Variants in CMTM7 observed in about 807,000 individuals in gnomAD.
The protein encoded by CMTM7 is CKLF like MARVEL transmembrane domain containing 7.
In CMTM7, 7 loss-of-function variants were observed where a neutral mutation model predicts 19.3. The ratio of observed to expected loss-of-function variants is 0.36; its 90% CI spans 0.21 to 0.68. The LOEUF (loss-of-function observed/expected upper bound fraction) is 0.68, where lower values mean the gene tolerates loss of function less well. Ranked by LOEUF, CMTM7 falls within the 30% of genes least tolerant of loss-of-function variation. The probability of loss-of-function intolerance (pLI) is 0.60; values close to 1 mark genes in which losing one functional copy is unlikely to be tolerated. For missense variants in CMTM7, 193 were observed against 232.6 expected, an observed-to-expected ratio of 0.83 and a Z score of 1.11; for synonymous variants, 87 against 99.3, an observed-to-expected ratio of 0.88 and a Z score of 0.74.
At chr3:32,417,746 T>A (rs1696288474) in intron 1 of CMTM7, among the ~76,000 whole-genome samples, 1 of 152,222 alleles carries the variant, frequency 6.6e-6, no homozygotes, top group African/African-American at 2.4e-5. Flanking sequence ...TATTTTCTAG[T>A]TTGGGTTTTG....
rs536686927 is a variant in CMTM7 at position 32,449,616 on chromosome 3, A to G, written c.432+64A>G. The G allele has an allele frequency of 1.6e-6, 2 of 1,264,528 alleles. No individual in the cohort carries two copies. The highest frequency in any genetic ancestry group is 2.3e-6 in the Non-Finnish European group (2 of 861,342). The allele number at this position is 1,264,528 out of a possible 1,614,324, so 78.3% of individuals were successfully genotyped here. A position where few individuals can be genotyped will look rare whatever the true frequency, so the allele number is the denominator to read the frequency against. ...ATTTAAAATGCTCATTTTCTTCCTGATGGGGGAAGAGAAGGGCTTGGTTTC... is the reference window on the plus strand; with the variant it reads ...ATTTAAAATGCTCATTTTCTTCCTGGTGGGGGAAGAGAAGGGCTTGGTTTC... On this transcript the variant is annotated intron_variant, in intron 3 of 4. Transcript: ENST00000334983. The surrounding 1 kb of genome is among the most constrained non-coding windows in gnomAD (Gnocchi z 4.5).
intron 1 of CMTM7, among the ~76,000 whole-genome samples, chr3:32,419,657 T>C (rs566133120): frequency 4.6e-5 from 7 of 152,370 alleles, no homozygotes; most frequent in African/African-American, 1.7e-4. Context: ...TTTCTTGTTT[T>C]GTCTGTTCAT....
chr3:32,408,938 A>G (rs1364793544), intron 1 of CMTM7, among the ~76,000 whole-genome samples: 1 of 151,448 alleles, frequency 6.6e-6, no homozygotes, highest in East Asian at 1.9e-4. Context: ...GCTGGAGTGC[A>G]GTGGTGCAAT....
chr3:32,439,880 A>G (rs966724538), intron 1 of CMTM7, among the ~76,000 whole-genome samples: 6 of 152,214 alleles, frequency 3.9e-5, no homozygotes, highest in Non-Finnish European at 5.9e-5. Context: ...ACTCTTTACT[A>G]TGGGAGCTCT....
intron 1 of CMTM7, among the ~76,000 whole-genome samples, chr3:32,424,641 T>G (rs1264079021): frequency 2.0e-5 from 3 of 151,636 alleles, no homozygotes; most frequent in African/African-American, 7.3e-5. Flanking sequence ...GGAAAGGTTT[T>G]TTTTTTTTTT....
chr3:32,441,965 C>A lies in CMTM7; in HGVS notation c.285C>A (p.His95Gln). ...TGATCCTCGCCTTTTACCTGGTCCA[C>A]CTCTTCCGCTTCTACCGCGTGCTCA... ...LIMILAFYLV[H>Q]LFRFYRVLTC... Residue 95 changes from histidine (H) to glutamine (Q), a missense_variant, in exon 2 of 5, where the codon CAC becomes CAA. Coordinates refer to ENST00000334983, the MANE Select transcript of CMTM7 (RefSeq NM_138410.4). 2 of 1,614,174 alleles carry A rather than the reference C, an allele frequency of 1.2e-6. No homozygotes were observed. Among genetic ancestry groups the A allele is most frequent in the Non-Finnish European group, 1.7e-6 (2 of 1,180,038 alleles).
chr3:32,409,575 G>A (rs1360378985), intron 1 of CMTM7, among the ~76,000 whole-genome samples: 1 of 152,144 alleles, frequency 6.6e-6, no homozygotes, highest in African/African-American at 2.4e-5. Context: ...GTATTCAGTT[G>A]TCACATCTCT....
intron 1 of CMTM7, among the ~76,000 whole-genome samples, chr3:32,424,996 T>C (rs144786758): frequency 3.2e-4 from 49 of 152,056 alleles, no homozygotes; most frequent in African/African-American, 1.1e-3. Flanking sequence ...GCAAAAAACG[T>C]AGAAAAAACA....
At chr3:32,439,225 A>G (rs1350416169) in intron 1 of CMTM7, among the ~76,000 whole-genome samples, 1 of 152,208 alleles carries the variant, frequency 6.6e-6, no homozygotes, top group Admixed American at 6.5e-5. Context: ...AAAGGGAAAT[A>G]CACAAATGTT....
intron 1 of CMTM7, among the ~76,000 whole-genome samples, chr3:32,394,427 T>A (rs1483228473): frequency 6.6e-6 from 1 of 152,222 alleles, no homozygotes; most frequent in African/African-American, 2.4e-5. Flanking sequence ...AATGTTTTCA[T>A]CATGATCTGA....
Position 32,424,484 on chromosome 3 carries a change from A to AT in CMTM7, c.160-17351dup, listed in dbSNP as rs1696396142. 3.3e-5 allele frequency among the ~76,000 whole-genome samples: 5 copies of AT among 152,174 alleles called. No homozygotes were observed. The South Asian group carries it at 1.0e-3, about 31-fold the overall frequency. The stretch of plus-strand genomic sequence containing the variant: ...TGAGACTAGAAGTATCGCTGTGGCC[A>AT]TTTTTGGAAAACACAGCCACAGTAC... On this transcript the variant is annotated intron_variant, in intron 1 of 4. Coordinates refer to ENST00000334983, the MANE Select transcript of CMTM7 (RefSeq NM_138410.4).
chr3:32,441,962 C>T lies in CMTM7; in HGVS notation c.282C>T (p.Val94=), dbSNP rs1410659289. 1 of 1,614,204 alleles carries T rather than the reference C, an allele frequency of 6.2e-7. No homozygotes were observed. The highest frequency in any genetic ancestry group is 1.7e-5 in the Admixed American group (1 of 60,030). Residue 94 remains valine (V), a synonymous_variant, in exon 2 of 5, where the codon GTC becomes GTT. Transcript: ENST00000334983. ...DLIMILAFYL[V]HLFRFYRVLT... is the part of the protein sequence containing the mutation. The stretch of plus-strand genomic sequence containing the variant: ...TAATGATCCTCGCCTTTTACCTGGT[C>T]CACCTCTTCCGCTTCTACCGCGTGC...
intron 2 of CMTM7, among the ~76,000 whole-genome samples, chr3:32,442,357 G>T (rs1010226601): frequency 3.3e-5 from 5 of 151,938 alleles, no homozygotes; most frequent in African/African-American, 1.2e-4. Context: ...AAATCAGCCG[G>T]GCGTGGTGGC....
intron 1 of CMTM7, among the ~76,000 whole-genome samples, chr3:32,430,718 A>G (rs1696505845): frequency 3.2e-5 from 1 of 30,890 alleles, no homozygotes; most frequent in Non-Finnish European, 9.0e-5. Flanking sequence ...TGTGTGTGAC[A>G]CAGCTCTCCT....
At chr3:32,440,092 CA>C (rs2125639066) in intron 1 of CMTM7, among the ~76,000 whole-genome samples, 1 of 136,312 alleles carries the variant, frequency 7.3e-6, no homozygotes, top group East Asian at 2.0e-4. Flanking sequence ...CACACACACA[CA>C]CACACACACA....
At chr3:32,431,261 A>T (rs1327877965) in intron 1 of CMTM7, among the ~76,000 whole-genome samples, 1 of 152,238 alleles carries the variant, frequency 6.6e-6, no homozygotes, top group African/African-American at 2.4e-5. Context: ...TGAAACATAC[A>T]AACATGGAAA....
At chr3:32,393,300 C>A (rs1695866472) in intron 1 of CMTM7, among the ~76,000 whole-genome samples, 1 of 152,182 alleles carries the variant, frequency 6.6e-6, no homozygotes, top group Non-Finnish European at 1.5e-5. Flanking sequence ...GCCATTTCAG[C>A]AACGTACAAA....
intron 1 of CMTM7, among the ~76,000 whole-genome samples, chr3:32,434,439 G>A (rs1696564655): frequency 6.7e-6 from 1 of 150,124 alleles, no homozygotes; most frequent in African/African-American, 2.5e-5. Flanking sequence ...TGGGACTACA[G>A]GTGCATACCA....
At chr3:32,403,370 G>A (rs1696038479) in intron 1 of CMTM7, among the ~76,000 whole-genome samples, 1 of 152,062 alleles carries the variant, frequency 6.6e-6, no homozygotes, top group African/African-American at 2.4e-5. Flanking sequence ...ACAGGTGCAG[G>A]CCACCACGCC....
Sources: gnomAD v4.1 joint callset for allele counts (sites outside exome capture counted in the v4.1 genomes callset) on GRCh38, gnomAD v4.1.1 for gene constraint, Gnocchi (gnomAD v3.1) non-coding constraint, MANE v1.5 for transcripts, NCBI Gene and HGNC (gene_info 2026-07-23, HGNC 2026-07-21) for gene names.